The following TSPEAR variants were observed in gnomAD, a reference collection of about 807,000 sequenced individuals.
TSPEAR encodes thrombospondin-type laminin G domain and EAR repeat-containing protein.
A neutral mutation model predicts 71.6 loss-of-function variants in TSPEAR; 69 were observed. The observed-to-expected ratio is 0.96, with a 90% CI of 0.79 to 1.18. TSPEAR has a LOEUF of 1.18. Among genes scored for constraint, TSPEAR ranks in the 50% most tolerant of loss-of-function variants. The pLI is 0.00. For synonymous variants in TSPEAR, 402 were observed against 387.2 expected (o/e 1.04, Z -0.45); for missense variants, 971 against 894.9 (o/e 1.09, Z -1.09).
At position 44,506,936 on chromosome 21, in the gene TSPEAR, C is replaced by T. The variant is rs149150840; in HGVS notation, c.1755-2055G>A. ...CTCCAAAGCAGCCCTGGGTCACACT[C>T]GCTGTAGGACAGATGTTATTCTTCA... On this transcript the variant is annotated intron_variant, in intron 10 of 11. Coordinates refer to ENST00000323084, the MANE Select transcript of TSPEAR (RefSeq NM_144991.3). The surrounding 1 kb of genome is among the most constrained non-coding windows in gnomAD (Gnocchi z 4.2). 1.6e-4 allele frequency: 24 copies of T among 152,324 alleles called. No homozygotes were observed. The highest frequency in any genetic ancestry group is 5.3e-4 in the African/African-American group (22 of 41,564). The allele number at this position is 152,324 out of a possible 1,614,324, so 9.4% of individuals were successfully genotyped here. A position where few individuals can be genotyped will look rare whatever the true frequency, so the allele number is the denominator to read the frequency against.
intron 1 of TSPEAR, among the ~76,000 whole-genome samples, chr21:44,700,841 G>T (rs1031034357): frequency 1.8e-4 from 28 of 152,198 alleles, no homozygotes; most frequent in African/African-American, 6.5e-4. Flanking sequence ...TTTGAACCAC[G>T]TAATCCTCAC....
At chr21:44,613,229 G>A (rs1231583882) in intron 1 of TSPEAR, among the ~76,000 whole-genome samples, 4 of 152,202 alleles carry the variant, frequency 2.6e-5, no homozygotes, top group African/African-American at 9.7e-5. Flanking sequence ...GTTCTCCTGG[G>A]AGGACACACG....
At chr21:44,666,085 G>A (rs1181554416) in intron 1 of TSPEAR, 4 of 130,322 alleles carry the variant, frequency 3.1e-5, no homozygotes, top group Non-Finnish European at 4.1e-5. Context: ...ATGAGCACTG[G>A]GTGAAGGGAT....
Position 44,546,851 on chromosome 21 carries a change from C to T in TSPEAR, c.304-12928G>A, listed in dbSNP as rs1220866586. The stretch of plus-strand genomic sequence containing the variant: ...GATTACACTGTGTTTTTGTGTGATT[C>T]TCTTTGAGTTTATTCTACTTGGGGT... On this transcript the variant is annotated intron_variant, in intron 2 of 11. Transcript: ENST00000323084. This position sits in a 1 kb window ranked among gnomAD's most constrained non-coding sequence, Gnocchi z 4.4. Among the ~76,000 whole-genome samples the T allele has an allele frequency of 6.6e-6, 1 of 152,150 alleles. No homozygotes were observed. The highest frequency in any genetic ancestry group is 6.5e-5 in the Admixed American group (1 of 15,278).
intron 1 of TSPEAR, among the ~76,000 whole-genome samples, chr21:44,639,476 C>A (rs1983896558): frequency 6.6e-6 from 1 of 152,238 alleles, no homozygotes; most frequent in African/African-American, 2.4e-5. Flanking sequence ...GCAGATCACC[C>A]AGGACAACCA....
At position 44,593,182 on chromosome 21, in the gene TSPEAR, G is replaced by A. The variant is rs1477938837; in HGVS notation, c.83-25177C>T. Among the ~76,000 whole-genome samples, 1 of 152,186 alleles carries A rather than the reference G, an allele frequency of 6.6e-6. No homozygotes were observed. Among genetic ancestry groups the A allele is most frequent in the Non-Finnish European group, 1.5e-5 (1 of 68,026 alleles). On this transcript the variant is annotated intron_variant, in intron 1 of 11. Transcript: ENST00000323084. This position sits in a 1 kb window ranked among gnomAD's most constrained non-coding sequence, Gnocchi z 5.9. Reference sequence around the variant, plus strand: ...CTTGGACAGCATGACAGCCTTCTGGGCTGTGGTTTTGGGTTCTGAACCTGC... The same window carrying A: ...CTTGGACAGCATGACAGCCTTCTGGACTGTGGTTTTGGGTTCTGAACCTGC...
At chr21:44,505,582 C>G (rs1555911810) in intron 10 of TSPEAR, among the ~76,000 whole-genome samples, 1 of 65,092 alleles carries the variant, frequency 1.5e-5, no homozygotes, top group East Asian at 5.4e-4. Flanking sequence ...CCCCCCCCCC[C>G]CCCAGCCCCG....
At chr21:44,581,000 T>C (rs921326970) in intron 1 of TSPEAR, among the ~76,000 whole-genome samples, 4 of 152,344 alleles carry the variant, frequency 2.6e-5, no homozygotes, top group Non-Finnish European at 4.4e-5. Flanking sequence ...ATATATTTTA[T>C]TACTTTTAGC....
chr21:44,525,848 G>A lies in TSPEAR; in HGVS notation c.1150-9C>T. 3 of 1,613,870 alleles carry A rather than the reference G, an allele frequency of 1.9e-6. No homozygotes were observed. The highest frequency in any genetic ancestry group is 2.2e-5 in the South Asian group (2 of 91,076). Reference sequence around the variant, plus strand: ...GCCACTGCCAGGAAGATCTGAAAGAGAGTAAACCGGGACCACGTGGTTCTG... The same window carrying A: ...GCCACTGCCAGGAAGATCTGAAAGAAAGTAAACCGGGACCACGTGGTTCTG... On this transcript the variant is annotated splice_polypyrimidine_tract_variant and intron_variant, in intron 7 of 11. Coordinates refer to ENST00000323084, the MANE Select transcript of TSPEAR (RefSeq NM_144991.3).
At chr21:44,509,546 GGT>G (rs1385774751) in intron 9 of TSPEAR, 160 bp from the exon 10 acceptor site, 1 of 589,686 alleles carries the variant, frequency 1.7e-6, no homozygotes, top group Non-Finnish European at 3.0e-6. Context: ...CGGGCGCAGA[GGT>G]GTGGGTGAGC....
chr21:44,651,735 C>T (rs1056302707), intron 1 of TSPEAR, among the ~76,000 whole-genome samples: 1 of 152,140 alleles, frequency 6.6e-6, no homozygotes, highest in African/African-American at 2.4e-5. Context: ...ATTAGCCACA[C>T]GTGTGAAGTC....
intron 1 of TSPEAR, among the ~76,000 whole-genome samples, chr21:44,606,672 T>C (rs1016038909): frequency 5.3e-5 from 8 of 152,210 alleles, no homozygotes; most frequent in African/African-American, 1.9e-4. Context: ...ATATACACAA[T>C]GGAATACTAT....
At chr21:44,592,340 G>A in intron 1 of TSPEAR, 1 of 1,042,244 alleles carries the variant, frequency 9.6e-7, no homozygotes, top group Non-Finnish European at 1.3e-6. Context: ...CAGGGGGCCG[G>A]GGCGCAGCAG....
At chr21:44,666,771 C>G in intron 1 of TSPEAR, 1 of 1,612,326 alleles carries the variant, frequency 6.2e-7, no homozygotes, top group Non-Finnish European at 8.5e-7. Context: ...GGACTGGCAG[C>G]CCACAGGCAC....
chr21:44,576,753 T>G (rs1978484636), intron 1 of TSPEAR, among the ~76,000 whole-genome samples: 2 of 151,872 alleles, frequency 1.3e-5, no homozygotes, highest in Non-Finnish European at 2.9e-5. Flanking sequence ...TTCCAGGAGG[T>G]GTATAGAAAA....
At chr21:44,525,221 A>G (rs898304597) in intron 8 of TSPEAR, among the ~76,000 whole-genome samples, 8 of 151,910 alleles carry the variant, frequency 5.3e-5, no homozygotes, top group African/African-American at 1.5e-4. Flanking sequence ...CAGGTCGTCA[A>G]TCAGTCAGTC....
At chr21:44,682,064 G>A (rs782290200) in intron 1 of TSPEAR, 3 of 1,614,054 alleles carry the variant, frequency 1.9e-6, no homozygotes, top group East Asian at 4.5e-5. Flanking sequence ...AGGATGCCTG[G>A]CAGGGGCTGG....
intron 1 of TSPEAR, among the ~76,000 whole-genome samples, chr21:44,662,141 TATTAA>T (rs1555943778): frequency 1.3e-5 from 2 of 152,212 alleles, no homozygotes; most frequent in African/African-American, 2.4e-5. Flanking sequence ...CAAATTAATT[TATTAA>T]ATTAAATTAA....
intron 1 of TSPEAR, chr21:44,657,792 G>T: frequency 1.6e-6 from 1 of 614,704 alleles, no homozygotes. Flanking sequence ...TTATGGTGGA[G>T]CATGACGCGG....
Sources: allele counts gnomAD v4.1 joint callset (sites outside exome capture counted in the v4.1 genomes callset), GRCh38; gene constraint gnomAD v4.1.1; non-coding constraint Gnocchi (gnomAD v3.1); transcripts MANE v1.5; gene names NCBI Gene and HGNC (gene_info 2026-07-23, HGNC 2026-07-21).